Variants in KIF13B observed in about 807,000 individuals in gnomAD.
The protein encoded by KIF13B is kinesin-like protein KIF13B.
Under a neutral mutation model 222.0 loss-of-function variants are expected in KIF13B, and 127 were observed. That is an observed-to-expected ratio of 0.57 (90% CI 0.50 to 0.66). KIF13B has a LOEUF of 0.66. Ranked by LOEUF, KIF13B falls within the 30% of genes least tolerant of loss-of-function variation. The pLI is 0.00. For missense variants in KIF13B, 2,173 were observed against 2,379.0 expected, an observed-to-expected ratio of 0.91 and a Z score of 1.80; for synonymous variants, 976 against 919.0, an observed-to-expected ratio of 1.06 and a Z score of -1.12.
intron 4 of KIF13B, chr8:29,189,829 G>A (rs1412270930): frequency 1.3e-5 from 2 of 152,250 alleles, no homozygotes; most frequent in African/African-American, 2.4e-5. Flanking sequence ...GAGCTGGGGC[G>A]TGTGAATGTG....
At chr8:29,090,576 C>T (rs538866372) in intron 37 of KIF13B, among the ~76,000 whole-genome samples, 1 of 152,136 alleles carries the variant, frequency 6.6e-6, no homozygotes, top group Non-Finnish European at 1.5e-5. Context: ...AGGGGGAGCT[C>T]CCTGGCCACC....
chr8:29,172,475 A>G (rs560740884), intron 10 of KIF13B, among the ~76,000 whole-genome samples: 1 of 152,330 alleles, frequency 6.6e-6, no homozygotes, highest in Admixed American at 6.5e-5. Flanking sequence ...GATAACCTAA[A>G]TTAACTAAAC....
intron 1 of KIF13B, among the ~76,000 whole-genome samples, chr8:29,255,669 C>G (rs1816447652): frequency 1.3e-5 from 2 of 152,148 alleles, no homozygotes; most frequent in South Asian, 4.1e-4. Flanking sequence ...CTCGCTGCCT[C>G]CATACTGGCA....
At chr8:29,169,171 T>C (rs1475982223) in intron 10 of KIF13B, among the ~76,000 whole-genome samples, 1 of 152,244 alleles carries the variant, frequency 6.6e-6, no homozygotes, top group African/African-American at 2.4e-5. Context: ...CAATCTGTGA[T>C]TTCCCCAGTC....
intron 3 of KIF13B, among the ~76,000 whole-genome samples, chr8:29,191,730 T>A (rs531094022): frequency 6.6e-6 from 1 of 152,246 alleles, no homozygotes; most frequent in African/African-American, 2.4e-5. Flanking sequence ...ATCACATAGT[T>A]CTTTTGCACT....
intron 18 of KIF13B, among the ~76,000 whole-genome samples, chr8:29,142,717 T>C (rs1347569067): frequency 6.6e-6 from 1 of 152,064 alleles, no homozygotes; most frequent in East Asian, 1.9e-4. Flanking sequence ...CACGTGCCTG[T>C]AATGCCAGCT....
At chr8:29,160,928 C>G (rs1426080130) in intron 12 of KIF13B, 61 bp from the exon 13 acceptor site, 4 of 1,398,818 alleles carry the variant, frequency 2.9e-6, no homozygotes, top group Non-Finnish European at 4.0e-6. Flanking sequence ...GATATCCAAG[C>G]GTTTACATTA....
Position 29,113,480 on chromosome 8 carries a change from C to A in KIF13B, c.3913G>T (p.Val1305Phe). The change falls in exon 32 of 40, where the codon GTC becomes TTC. Residue 1305 changes from valine (V) to phenylalanine (F), a missense_variant. Val to Phe is a conservative substitution (Grantham distance 50, BLOSUM62 -1). This residue lies in a region of KIF13B where 1,480 missense variants were observed against 1,722.8 expected (regional missense o/e 0.86). Transcript: ENST00000524189. ...IPGCGVTFEIVSNIPEDAQGV... is the reference protein window; with the variant it reads ...IPGCGVTFEIFSNIPEDAQGV... ...TCCTTCACCTCTGGAATATTGGAGA[C>A]AATTTCAAAAGTCACTCCACAGCCA... 6.3e-7 allele frequency: 1 copy of A among 1,580,074 alleles called. No individual in the cohort carries two copies.
Position 29,160,706 on chromosome 8 carries a change from A to G in KIF13B, c.1404+27T>C, listed in dbSNP as rs760732651. 5 of 1,600,520 alleles carry G rather than the reference A, an allele frequency of 3.1e-6. No homozygotes were observed. In the South Asian group the frequency reaches 4.5e-5, roughly 14 times the overall value. ...AATATTGTCCTATTTTGTAACAAGA[A>G]TCTAGTAGCAAAGCACATTACTTCA... On this transcript the variant is annotated intron_variant, in intron 13 of 39. Transcript: ENST00000524189.
chr8:29,078,403 G>C (rs1807666565), intron 37 of KIF13B, among the ~76,000 whole-genome samples: 1 of 152,008 alleles, frequency 6.6e-6, no homozygotes. Flanking sequence ...TTGGGTATGA[G>C]TTCAGCAACC....
At chr8:29,257,091 A>C (rs1354042454) in intron 1 of KIF13B, among the ~76,000 whole-genome samples, 1 of 152,234 alleles carries the variant, frequency 6.6e-6, no homozygotes, top group Non-Finnish European at 1.5e-5. Flanking sequence ...GAAGAATAAA[A>C]TAATGCATTA....
intron 10 of KIF13B, among the ~76,000 whole-genome samples, chr8:29,171,055 GA>G (rs1354811385): frequency 3.9e-5 from 6 of 152,200 alleles, no homozygotes; most frequent in Non-Finnish European, 8.8e-5. Flanking sequence ...AAGCTCGAGG[GA>G]AACGACTGTC....
rs142251589 is a variant in KIF13B at position 29,175,129 on chromosome 8, GAAAA to G, written c.945+935_945+938del. On this transcript the variant is annotated intron_variant, in intron 10 of 39. Transcript: ENST00000524189. ...AAATTATTTCTCCATTTTAAAAATA[GAAAA>G]AAAAGAGTATTAAAGGATTTAGTGA... 2.6e-5 allele frequency among the ~76,000 whole-genome samples: 4 copies of G among 151,584 alleles called. 1 individual carries two copies. The highest frequency in any genetic ancestry group is 4.2e-4 in the South Asian group (2 of 4,804).
chr8:29,117,035 T>C (rs756118781), intron 30 of KIF13B, 28 bp from the exon 31 acceptor site: 7 of 1,522,902 alleles, frequency 4.6e-6, no homozygotes, highest in Non-Finnish European at 5.3e-6. Context: ...AGGAAACAGG[T>C]TTCTCTCTTC....
chr8:29,219,100 C>T (rs1563799422), intron 2 of KIF13B: 1 of 152,260 alleles, frequency 6.6e-6, no homozygotes, highest in Admixed American at 6.5e-5. Context: ...GTCCCTACTA[C>T]ATGGAACACA....
At chr8:29,140,669 G>A (rs925736325) in intron 19 of KIF13B, 52 bp from the exon 20 acceptor site, 7 of 1,510,822 alleles carry the variant, frequency 4.6e-6, no homozygotes, top group Non-Finnish European at 5.5e-6. Context: ...TACAATAAAT[G>A]CATTCAACCT....
intron 31 of KIF13B, among the ~76,000 whole-genome samples, chr8:29,113,901 A>C (rs1476400808): frequency 2.0e-5 from 3 of 152,196 alleles, no homozygotes; most frequent in African/African-American, 7.2e-5. Flanking sequence ...CTTCTAACTA[A>C]GATGGAAGCA....
intron 2 of KIF13B, among the ~76,000 whole-genome samples, chr8:29,228,473 A>AAAAAAAAAAAAG (rs369624890): frequency 1.7e-4 from 3 of 17,748 alleles, no homozygotes; most frequent in African/African-American, 3.1e-4. Flanking sequence ...TCTTAAAAAA[A>AAAAAAAAAAAAG]TATATATATA....
At chr8:29,158,483 G>A (rs945027974) in intron 13 of KIF13B, among the ~76,000 whole-genome samples, 6 of 152,146 alleles carry the variant, frequency 3.9e-5, no homozygotes, top group African/African-American at 1.4e-4. Context: ...AGAAGACTAA[G>A]AGAACTGTAC....
Sources: gnomAD v4.1 joint callset for allele counts (sites outside exome capture counted in the v4.1 genomes callset) on GRCh38, gnomAD v4.1.1 for gene constraint, gnomAD v4.1.1 regional missense constraint, MANE v1.5 for transcripts, NCBI Gene and HGNC (gene_info 2026-07-23, HGNC 2026-07-21) for gene names.